The following CPNE5 variants were observed in gnomAD, a reference collection of about 807,000 sequenced individuals.
The protein encoded by CPNE5 is copine-5.
Under a neutral mutation model 81.1 loss-of-function variants are expected in CPNE5, and 42 were observed. That is an observed-to-expected ratio of 0.52 (90% CI 0.40 to 0.67). CPNE5 has a LOEUF of 0.67. CPNE5 is among the 30% of genes least tolerant of loss of function. The pLI, the probability that CPNE5 is intolerant of heterozygous loss-of-function variation, is 0.00. For synonymous variants in CPNE5, 313 were observed against 321.5 expected (o/e 0.97, Z 0.28); for missense variants, 612 against 815.5 (o/e 0.75, Z 3.04).
intron 1 of CPNE5, among the ~76,000 whole-genome samples, chr6:36,825,653 G>A (rs573875950): frequency 6.6e-6 from 1 of 152,322 alleles, no homozygotes; most frequent in South Asian, 2.1e-4. Flanking sequence ...AGCAGGGGCT[G>A]CACGTGAGAC....
chr6:36,759,607 G>A (rs980722714), intron 12 of CPNE5, among the ~76,000 whole-genome samples: 1 of 152,052 alleles, frequency 6.6e-6, no homozygotes, highest in African/African-American at 2.4e-5. Flanking sequence ...TAGCCAGAAG[G>A]AACCCCAGGA....
rs1766561173 is a variant in CPNE5 at position 36,766,320 on chromosome 6, C to A, written c.738-944G>T. Among the ~76,000 whole-genome samples the A allele has an allele frequency of 6.6e-6, 1 of 152,194 alleles. No individual in the cohort carries two copies. The highest frequency in any genetic ancestry group is 6.5e-5 in the Admixed American group (1 of 15,284). On this transcript the variant is annotated intron_variant, in intron 10 of 20. Coordinates refer to ENST00000244751, the MANE Select transcript of CPNE5 (RefSeq NM_020939.2). The surrounding 1 kb of genome is among the most constrained non-coding windows in gnomAD (Gnocchi z 4.2). ...GAGTCAGCCTTGGGCTTCTGTGGCC[C>A]CTCCAGGAGGAGGCGCTGTCTCCTT...
chr6:36,755,799 C>T (rs187694375), intron 13 of CPNE5: 184 of 172,196 alleles, frequency 1.1e-3, no homozygotes, highest in African/African-American at 4.2e-3. Context: ...TGTTGAGTCC[C>T]ATCTCTACCA....
intron 15 of CPNE5, among the ~76,000 whole-genome samples, chr6:36,747,644 T>G (rs1764326445): frequency 6.6e-6 from 1 of 152,188 alleles, no homozygotes; most frequent in Admixed American, 6.5e-5. Context: ...AAATTAGCAC[T>G]GAGCACCCCT....
intron 1 of CPNE5, among the ~76,000 whole-genome samples, chr6:36,833,412 A>G (rs236356): frequency 6.6e-6 from 1 of 152,208 alleles, no homozygotes; most frequent in Non-Finnish European, 1.5e-5. Context: ...GGACCTGGGA[A>G]TATGATAGGT....
At chr6:36,787,373 T>C (rs1768656251) in intron 8 of CPNE5, among the ~76,000 whole-genome samples, 1 of 152,100 alleles carries the variant, frequency 6.6e-6, no homozygotes, top group South Asian at 2.1e-4. Context: ...TTCCGATTCC[T>C]CATCCATCAC....
intron 11 of CPNE5, among the ~76,000 whole-genome samples, chr6:36,763,279 T>C (rs377148114): frequency 1.3e-5 from 2 of 152,028 alleles, no homozygotes; most frequent in Non-Finnish European, 2.9e-5. Context: ...CTGGGGAAAT[T>C]TGAATATGAA....
chr6:36,782,913 C>T (rs75938926), intron 8 of CPNE5, among the ~76,000 whole-genome samples: 3,589 of 151,736 alleles, frequency 0.024, 143 homozygotes, highest in African/African-American at 0.077. Flanking sequence ...GGAATCCTAG[C>T]TCTGCCACCT....
intron 12 of CPNE5, among the ~76,000 whole-genome samples, chr6:36,759,692 C>T (rs1360016220): frequency 6.6e-6 from 1 of 152,068 alleles, no homozygotes; most frequent in East Asian, 1.9e-4. Flanking sequence ...GGAGGAGGAA[C>T]ACCCACAGGG....
intron 8 of CPNE5, among the ~76,000 whole-genome samples, chr6:36,782,345 C>A (rs1768101004): frequency 6.6e-6 from 1 of 152,168 alleles, no homozygotes; most frequent in African/African-American, 2.4e-5. Flanking sequence ...AATCCAGAGG[C>A]AACAGCTCTT....
At chr6:36,756,391 C>T in intron 12 of CPNE5, 93 bp from the exon 13 acceptor site, 2 of 1,053,242 alleles carry the variant, frequency 1.9e-6, no homozygotes, top group Non-Finnish European at 1.5e-6. Flanking sequence ...GTGGTCCAAG[C>T]CCAGCCCCAT....
At chr6:36,829,876 A>G (rs552466080) in intron 1 of CPNE5, among the ~76,000 whole-genome samples, 3 of 148,846 alleles carry the variant, frequency 2.0e-5, no homozygotes, top group East Asian at 1.9e-4. Context: ...AAAATACCCA[A>G]CAGGAATCCT....
chr6:36,823,019 C>A, intron 2 of CPNE5, 39 bp downstream of exon 2: 2 of 1,521,248 alleles, frequency 1.3e-6, no homozygotes, highest in South Asian at 2.6e-5. Context: ...ATAGCGTTGC[C>A]GCTATTGTTA....
At chr6:36,789,104 A>G (rs961476837) in intron 8 of CPNE5, among the ~76,000 whole-genome samples, 2 of 152,236 alleles carry the variant, frequency 1.3e-5, no homozygotes, top group Non-Finnish European at 2.9e-5. Flanking sequence ...GATGCTGGGA[A>G]TTAGTCTCTT....
chr6:36,822,130 T>C lies in CPNE5; in HGVS notation c.167A>G (p.Asn56Ser), dbSNP rs1371892381. ...TGCACCTACCTCCCGCCACTGCTTG[T>C]TCTCCATCCCTTGGGTATACATGAC... ...LCVMYTQGMENKQWREFGRTE... is the reference protein window; with the variant it reads ...LCVMYTQGMESKQWREFGRTE... The change falls in exon 3 of 21, where the codon AAC (asparagine) becomes AGC (serine). Residue 56 changes from asparagine to serine, a missense_variant. By Grantham distance (46) the Asn-to-Ser change is conservative. Transcript: ENST00000244751. The C allele has an allele frequency of 6.5e-7, 1 of 1,539,668 alleles. No homozygotes were observed. Among genetic ancestry groups the C allele is most frequent in the East Asian group, 2.4e-5 (1 of 41,584 alleles).
At chr6:36,753,578 T>C (rs896173064) in intron 13 of CPNE5, among the ~76,000 whole-genome samples, 1 of 152,256 alleles carries the variant, frequency 6.6e-6, no homozygotes, top group Admixed American at 6.5e-5. Flanking sequence ...CTATTAGTCC[T>C]GAAATGTGCC....
intron 1 of CPNE5, among the ~76,000 whole-genome samples, chr6:36,834,966 C>T (rs1054476891): frequency 3.3e-5 from 5 of 152,182 alleles, no homozygotes; most frequent in African/African-American, 9.7e-5. Flanking sequence ...GCCGGGCTGC[C>T]TCTCTGGCTC....
At chr6:36,768,621 C>T (rs1229849536) in intron 10 of CPNE5, among the ~76,000 whole-genome samples, 1 of 152,198 alleles carries the variant, frequency 6.6e-6, no homozygotes, top group Non-Finnish European at 1.5e-5. Context: ...TGGCTCCTAA[C>T]CCCTTAGCAC....
At chr6:36,827,136 C>G (rs1366879407) in intron 1 of CPNE5, among the ~76,000 whole-genome samples, 1 of 152,132 alleles carries the variant, frequency 6.6e-6, no homozygotes, top group Non-Finnish European at 1.5e-5. Context: ...CTGCTGAGTC[C>G]CTTCCCCAGC....
Sources: allele counts gnomAD v4.1 joint callset (sites outside exome capture counted in the v4.1 genomes callset), GRCh38; gene constraint gnomAD v4.1.1; non-coding constraint Gnocchi (gnomAD v3.1); transcripts MANE v1.5; gene names NCBI Gene and HGNC (gene_info 2026-07-23, HGNC 2026-07-21).